AKT3: variants seen among roughly 807,000 people sequenced by gnomAD.
The protein encoded by AKT3 is RAC-gamma serine/threonine-protein kinase.
Under a neutral mutation model 65.3 loss-of-function variants are expected in AKT3, and 15 were observed. That is an observed-to-expected ratio of 0.23 (90% confidence interval 0.15 to 0.35). The LOEUF is 0.35. AKT3 is among the 10% of genes least tolerant of loss of function. AKT3 has a pLI of 1.00. For synonymous variants in AKT3, 206 were observed against 183.8 expected (o/e 1.12, Z -0.98); for missense variants, 243 against 576.5 (o/e 0.42, Z 5.92).
chr1:243,502,559 C>T lies in AKT3; in HGVS notation c.*2690G>A, dbSNP rs554033053. 3 of 233,138 alleles carry T rather than the reference C, an allele frequency of 1.3e-5. No homozygotes were observed. Among genetic ancestry groups the T allele is most frequent in the Non-Finnish European group, 2.5e-5 (3 of 118,048 alleles). 14.4% of individuals were successfully genotyped at this position (233,138 alleles called of 1,614,324 possible). ...CCAGGTTTCAGGGTGTTCCACCTGC[C>T]AGAACCCAAAACTACAACTATGGGC... On this transcript the variant is annotated 3_prime_UTR_variant, in exon 14 of 14. Transcript: ENST00000673466.
rs1436887241 is a variant in AKT3 at position 243,850,058 on chromosome 1, C to T, written c.-131G>A. ...CTGTTACCTGCAACGGCGGCGGCGG[C>T]GGTGGCGGCCCCGCAGCTGCTCGGG... On this transcript the variant is annotated 5_prime_UTR_variant, in exon 1 of 14. Transcript: ENST00000673466. 7.3e-6 allele frequency: 7 copies of T among 959,548 alleles called. No homozygotes were observed. The highest frequency in any genetic ancestry group is 8.6e-6 in the Non-Finnish European group (7 of 812,914). 59.4% of individuals were successfully genotyped at this position (959,548 alleles called of 1,614,324 possible).
At chr1:243,804,771 T>C (rs1692621389) in intron 2 of AKT3, among the ~76,000 whole-genome samples, 1 of 150,548 alleles carries the variant, frequency 6.6e-6, no homozygotes, top group South Asian at 2.1e-4. Context: ...GGCGTGAACC[T>C]GGGAGGTGGA....
chr1:243,551,043 A>C (rs1673032068), intron 11 of AKT3, among the ~76,000 whole-genome samples: 2 of 151,344 alleles, frequency 1.3e-5, no homozygotes, highest in Admixed American at 1.3e-4. Flanking sequence ...CTCCTTACTT[A>C]ATTGTAAAAG....
intron 9 of AKT3, among the ~76,000 whole-genome samples, chr1:243,571,735 T>C (rs1452166006): frequency 6.6e-6 from 1 of 152,234 alleles, no homozygotes; most frequent in Non-Finnish European, 1.5e-5. Flanking sequence ...TATCTGGCCA[T>C]GCAGATACAT....
intron 2 of AKT3, among the ~76,000 whole-genome samples, chr1:243,798,417 T>TTG (rs1692180091): frequency 7.0e-6 from 1 of 142,226 alleles, no homozygotes; most frequent in Admixed American, 7.1e-5. Context: ...TTTTTTTTTT[T>TTG]GTTTTGTAGA....
chr1:243,624,912 CT>C, intron 6 of AKT3: 1 of 219,816 alleles, frequency 4.5e-6, no homozygotes. Flanking sequence ...TGATCACCAC[CT>C]TTTGTCTTCT....
At chr1:243,843,537 C>T (rs556417041) in intron 1 of AKT3, 38 of 1,063,560 alleles carry the variant, frequency 3.6e-5, no homozygotes, top group African/African-American at 5.0e-5. Flanking sequence ...AAACCAGTCA[C>T]GCCTACCCAA....
At chr1:243,704,376 CGTGGAGCTTTAA>C (rs1685659406) in intron 2 of AKT3, among the ~76,000 whole-genome samples, 1 of 152,046 alleles carries the variant, frequency 6.6e-6, no homozygotes, top group Non-Finnish European at 1.5e-5. Flanking sequence ...TCCCAGCCCT[CGTGGAGCTTTAA>C]GTCTAGTAGG....
chr1:243,613,411 T>C (rs1243559942), intron 8 of AKT3, among the ~76,000 whole-genome samples: 19 of 152,086 alleles, frequency 1.2e-4, no homozygotes, highest in Admixed American at 1.2e-3. Context: ...ATCATACTTC[T>C]GTTAAAACTT....
At chr1:243,583,783 A>C (rs912812825) in intron 8 of AKT3, among the ~76,000 whole-genome samples, 2 of 152,120 alleles carry the variant, frequency 1.3e-5, no homozygotes, top group African/African-American at 4.8e-5. Flanking sequence ...GAAAATAGGT[A>C]CACAACACAC....
chr1:243,549,693 G>T (rs1390818314), intron 11 of AKT3, among the ~76,000 whole-genome samples: 1 of 151,992 alleles, frequency 6.6e-6, no homozygotes, highest in Non-Finnish European at 1.5e-5. Flanking sequence ...CCAAAGTGCG[G>T]GGATTACAGG....
chr1:243,689,482 ATTTTTT>A (rs11354558), intron 3 of AKT3, among the ~76,000 whole-genome samples: 1 of 128,380 alleles, frequency 7.8e-6, no homozygotes, highest in Non-Finnish European at 1.6e-5. Flanking sequence ...TTATTCAAAG[ATTTTTT>A]TTTTTTTTTT....
intron 2 of AKT3, among the ~76,000 whole-genome samples, chr1:243,787,309 T>C (rs574427474): frequency 2.0e-5 from 3 of 152,224 alleles, no homozygotes; most frequent in African/African-American, 7.2e-5. Context: ...ATGTTACCCA[T>C]GCACATTTTT....
chr1:243,571,568 G>T (rs991047101), intron 9 of AKT3, among the ~76,000 whole-genome samples: 1 of 152,044 alleles, frequency 6.6e-6, no homozygotes, highest in Non-Finnish European at 1.5e-5. Context: ...CTACAAATAG[G>T]ATTCATAAAA....
At chr1:243,663,846 G>C (rs923499690) in intron 4 of AKT3, among the ~76,000 whole-genome samples, 2 of 152,188 alleles carry the variant, frequency 1.3e-5, no homozygotes, top group Non-Finnish European at 2.9e-5. Flanking sequence ...ACCTAACTCA[G>C]TATCAGAGTG....
chr1:243,535,277 T>C (rs1034389338), intron 12 of AKT3, among the ~76,000 whole-genome samples: 3 of 149,954 alleles, frequency 2.0e-5, no homozygotes, highest in Non-Finnish European at 4.4e-5. Flanking sequence ...CATGGATGAA[T>C]TGTATAATGG....
intron 5 of AKT3, 72 bp downstream of exon 5, chr1:243,645,821 C>A (rs773110010): frequency 3.7e-4 from 525 of 1,410,854 alleles, no homozygotes; most frequent in Non-Finnish European, 4.8e-4. Context: ...CATCTTTCTG[C>A]AAATGGTAGC....
chr1:243,737,512 T>C (rs1013514499), intron 2 of AKT3, among the ~76,000 whole-genome samples: 4 of 151,598 alleles, frequency 2.6e-5, no homozygotes, highest in South Asian at 2.1e-4. Context: ...AGATGAAAAG[T>C]AGAAAGAAAA....
chr1:243,695,769 T>C, intron 2 of AKT3, 53 bp from the exon 3 acceptor site: 2 of 1,497,358 alleles, frequency 1.3e-6, no homozygotes, highest in Admixed American at 4.5e-5. Flanking sequence ...CAGCAGCTTT[T>C]ATGCAAAAAA....
Sources: gnomAD v4.1 joint callset for allele counts (sites outside exome capture counted in the v4.1 genomes callset) on GRCh38, gnomAD v4.1.1 for gene constraint, MANE v1.5 for transcripts, NCBI Gene and HGNC (gene_info 2026-07-23, HGNC 2026-07-21) for gene names.